Variants in STXBP5 observed in about 807,000 individuals in gnomAD.
The protein encoded by STXBP5 is syntaxin-binding protein 5.
STXBP5 carries 50 observed loss-of-function variants against 152.4 expected under a neutral mutation model. The ratio of observed to expected loss-of-function variants is 0.33; its 90% CI spans 0.26 to 0.42. STXBP5 has a LOEUF of 0.42. STXBP5 is among the 10% of genes least tolerant of loss of function. STXBP5 has a pLI of 1.00. For missense variants in STXBP5, 1,167 were observed against 1,388.6 expected (o/e 0.84, Z 2.54); for synonymous variants, 492 against 494.7 (o/e 0.99, Z 0.07).
chr6:147,363,386 C>T lies in STXBP5; in HGVS notation c.2597C>T (p.Thr866Ile). Reference protein sequence around the residue: ...GAILRMAFLDTTGCLIPPAYE... With the variant: ...GAILRMAFLDITGCLIPPAYE... ...ATCTTGAGAATGGCATTTCTGGATA[C>T]CACAGGCTGCTTAATACCACCTGCG... Residue 866 changes from threonine (T) to isoleucine (I), a missense_variant, in exon 24 of 28, where the codon ACC (threonine) becomes ATC (isoleucine). By Grantham distance (89) the Thr-to-Ile change is moderately conservative (BLOSUM62 -1). Transcript: ENST00000321680. The T allele has an allele frequency of 1.2e-6, 2 of 1,613,124 alleles. No homozygotes were observed. Among genetic ancestry groups the T allele is most frequent in the Non-Finnish European group, 1.7e-6 (2 of 1,179,686 alleles).
At chr6:147,258,364 G>A (rs1198777760) in intron 4 of STXBP5, among the ~76,000 whole-genome samples, 1 of 152,086 alleles carries the variant, frequency 6.6e-6, no homozygotes, top group Non-Finnish European at 1.5e-5. Context: ...ATTAAATAAC[G>A]ATACCTTCTG....
At chr6:147,214,645 T>TC (rs1777066774) in intron 2 of STXBP5, among the ~76,000 whole-genome samples, 1 of 152,238 alleles carries the variant, frequency 6.6e-6, no homozygotes. Context: ...CCTTTAAAAT[T>TC]TTGATTTCCG....
At chr6:147,379,043 A>G (rs1785946717) in intron 26 of STXBP5, among the ~76,000 whole-genome samples, 1 of 151,920 alleles carries the variant, frequency 6.6e-6, no homozygotes, top group South Asian at 2.1e-4. Context: ...CATTGTCAGT[A>G]TTCAAGGCCA....
Position 147,306,541 on chromosome 6 carries a change from G to A in STXBP5, c.918-3543G>A, listed in dbSNP as rs369822979. ...AAAGTAATTGTGGAGATGAAAAGGAGGAGACAGATTCTAGAGATCCTAATG... is the reference window on the plus strand; with the variant it reads ...AAAGTAATTGTGGAGATGAAAAGGAAGAGACAGATTCTAGAGATCCTAATG... On this transcript the variant is annotated intron_variant, in intron 9 of 27. Transcript: ENST00000321680. 5.3e-5 allele frequency among the ~76,000 whole-genome samples: 8 copies of A among 152,184 alleles called. No individual in the cohort carries two copies. In the East Asian group the frequency reaches 1.2e-3, roughly 22 times the overall value.
intron 4 of STXBP5, among the ~76,000 whole-genome samples, chr6:147,245,726 G>A (rs765689336): frequency 8.5e-5 from 13 of 152,190 alleles, no homozygotes; most frequent in Non-Finnish European, 1.9e-4. Flanking sequence ...GACTAATCTG[G>A]TGTCCACATA....
chr6:147,310,300 G>T, intron 10 of STXBP5, 62 bp downstream of exon 10: 1 of 731,090 alleles, frequency 1.4e-6, no homozygotes, highest in Non-Finnish European at 1.9e-6. Context: ...AAAAAAAAAA[G>T]ACCTAGGTTG....
rs551628753 is a variant in STXBP5 at position 147,306,536 on chromosome 6, AAGG to A, written c.918-3542_918-3540del. ...ATACAAAAGTAATTGTGGAGATGAAAAGGAGGAGACAGATTCTAGAGATCCTAA... is the reference window on the plus strand; with the variant it reads ...ATACAAAAGTAATTGTGGAGATGAAAAGGAGACAGATTCTAGAGATCCTAA... On this transcript the variant is annotated intron_variant, in intron 9 of 27. Transcript: ENST00000321680. Among the ~76,000 whole-genome samples, 79 of 152,316 alleles carry A rather than the reference AAGG, an allele frequency of 5.2e-4. 4 individuals carry two copies. In the South Asian group the frequency reaches 0.016, roughly 32 times the overall value.
At chr6:147,378,510 A>C (rs1326071104) in intron 26 of STXBP5, among the ~76,000 whole-genome samples, 1 of 152,088 alleles carries the variant, frequency 6.6e-6, no homozygotes, top group Non-Finnish European at 1.5e-5. Flanking sequence ...ATGATATTAA[A>C]AATTATTCCT....
Position 147,364,248 on chromosome 6 carries a change from C to T in STXBP5, c.3081+82C>T. On this transcript the variant is annotated intron_variant, in intron 25 of 27. Transcript: ENST00000321680. ...CCGTATACTGTCTGCCCCTTATTCT[C>T]ATGGAACTATACAAGTGAGCCTGCT... The T allele has an allele frequency of 6.2e-6, 8 of 1,280,972 alleles. No homozygotes were observed. The South Asian group carries it at 1.2e-4, about 19-fold the overall frequency. 79.4% of individuals were successfully genotyped at this position (1,280,972 alleles called of 1,614,324 possible). A position where few individuals can be genotyped will look rare whatever the true frequency, so the allele number is the denominator to read the frequency against.
intron 2 of STXBP5, among the ~76,000 whole-genome samples, chr6:147,221,264 A>T (rs1777446990): frequency 1.3e-5 from 2 of 152,054 alleles, no homozygotes; most frequent in African/African-American, 4.8e-5. Flanking sequence ...TATATATGTA[A>T]ACATACATAA....
Position 147,327,178 on chromosome 6 carries a change from C to T in STXBP5, c.1982C>T (p.Ala661Val), listed in dbSNP as rs368337313. The T allele has an allele frequency of 1.2e-6, 2 of 1,613,874 alleles. No homozygotes were observed. Among genetic ancestry groups the T allele is most frequent in the African/African-American group, 2.7e-5 (2 of 74,920 alleles). Residue 661 changes from alanine (A) to valine (V), a missense_variant, in exon 18 of 28, where the codon GCA becomes GTA. Physicochemically the swap from Ala to Val is moderately conservative, Grantham distance 64. Coordinates refer to ENST00000321680, the MANE Select transcript of STXBP5 (RefSeq NM_001127715.4). ...GIAMVDYLQK[A>V]VLLNLGTIEL... ...GCTATGGTTGACTACCTCCAGAAAGCAGTGCTGCTCAACCTGGGCACTATT... is the reference window on the plus strand; with the variant it reads ...GCTATGGTTGACTACCTCCAGAAAGTAGTGCTGCTCAACCTGGGCACTATT...
intron 26 of STXBP5, among the ~76,000 whole-genome samples, chr6:147,380,238 G>T (rs577147767): frequency 6.6e-6 from 1 of 150,484 alleles, no homozygotes; most frequent in East Asian, 1.9e-4. Flanking sequence ...AAGCTGGAGG[G>T]ACTCAAACAT....
At chr6:147,375,326 TAA>T (rs1234041307) in intron 26 of STXBP5, among the ~76,000 whole-genome samples, 2 of 152,080 alleles carry the variant, frequency 1.3e-5, no homozygotes, top group Admixed American at 6.6e-5. Flanking sequence ...CTGAAAACTG[TAA>T]AAGTCAATAG....
chr6:147,310,065 A>G lies in STXBP5; in HGVS notation c.918-19A>G, dbSNP rs6928919. The G allele has an allele frequency of 0.53, 784,841 of 1,467,626 alleles. 212,633 individuals are homozygous for G. The highest frequency in any genetic ancestry group is 0.56 in the Middle Eastern group (3,061 of 5,494). 90.9% of individuals were successfully genotyped at this position (1,467,626 alleles called of 1,614,324 possible). On this transcript the variant is annotated intron_variant, in intron 9 of 27. Transcript: ENST00000321680. Reference sequence around the variant, plus strand: ...CTTTACTATGCCATTAATAATCTTAATATGTATTTTATTTCCAGGGAGCCT... The same window carrying G: ...CTTTACTATGCCATTAATAATCTTAGTATGTATTTTATTTCCAGGGAGCCT...
intron 16 of STXBP5, among the ~76,000 whole-genome samples, chr6:147,318,367 A>T (rs1467229160): frequency 6.6e-6 from 1 of 152,130 alleles, no homozygotes; most frequent in Non-Finnish European, 1.5e-5. Flanking sequence ...TTACTGACTG[A>T]AAGAGCAAGG....
At position 147,314,585 on chromosome 6, in the gene STXBP5, G is replaced by A. The variant is rs1307897427; in HGVS notation, c.1362-11G>A. The A allele has an allele frequency of 1.9e-6, 3 of 1,607,398 alleles. No individual in the cohort carries two copies. The highest frequency in any genetic ancestry group is 2.5e-6 in the Non-Finnish European group (3 of 1,177,602). Reference sequence around the variant, plus strand: ...TTTTATTCATCACATTCTTAACATTGCTTTTCTTAGGCATGCTGATGGGTC... The same window carrying A: ...TTTTATTCATCACATTCTTAACATTACTTTTCTTAGGCATGCTGATGGGTC... On this transcript the variant is annotated splice_polypyrimidine_tract_variant and intron_variant, in intron 13 of 27. Transcript: ENST00000321680.
At chr6:147,216,575 C>G (rs1777179619) in intron 2 of STXBP5, among the ~76,000 whole-genome samples, 1 of 152,124 alleles carries the variant, frequency 6.6e-6, no homozygotes, top group Non-Finnish European at 1.5e-5. Flanking sequence ...CCACTGACCA[C>G]TCTTTGCATT....
Position 147,239,364 on chromosome 6 carries a change from T to C in STXBP5, c.431+94T>C, listed in dbSNP as rs1778428592. On this transcript the variant is annotated intron_variant, in intron 4 of 27. Coordinates refer to ENST00000321680, the MANE Select transcript of STXBP5 (RefSeq NM_001127715.4). Reference sequence around the variant, plus strand: ...GATTTTTTGTGTGTGATGGACCTTATGCACAATCTAAAAACTGATTCAGAA... The same window carrying C: ...GATTTTTTGTGTGTGATGGACCTTACGCACAATCTAAAAACTGATTCAGAA... 4.8e-6 allele frequency: 5 copies of C among 1,032,282 alleles called. No homozygotes were observed. The South Asian group carries it at 6.3e-5, about 13-fold the overall frequency. 63.9% of individuals were successfully genotyped at this position (1,032,282 alleles called of 1,614,324 possible). A position where few individuals can be genotyped will look rare whatever the true frequency, so the allele number is the denominator to read the frequency against.
chr6:147,218,043 T>G (rs1359045161), intron 2 of STXBP5, among the ~76,000 whole-genome samples: 1 of 152,194 alleles, frequency 6.6e-6, no homozygotes, highest in Non-Finnish European at 1.5e-5. Flanking sequence ...ATTTTCTAAA[T>G]AGACTTCATT....
Sources: gnomAD v4.1 joint callset for allele counts (sites outside exome capture counted in the v4.1 genomes callset) on GRCh38, gnomAD v4.1.1 for gene constraint, MANE v1.5 for transcripts, NCBI Gene and HGNC (gene_info 2026-07-23, HGNC 2026-07-21) for gene names.